The following NABP1 variants were observed in gnomAD, a reference collection of about 807,000 sequenced individuals.
NABP1 encodes the protein SOSS complex subunit B2.
Under a neutral mutation model 25.0 loss-of-function variants are expected in NABP1, and 18 were observed. The ratio of observed to expected loss-of-function variants is 0.72; its 90% CI spans 0.50 to 1.07. The LOEUF (loss-of-function observed/expected upper bound fraction) is 1.07. NABP1 is among the 50% of genes least tolerant of loss of function. The probability of loss-of-function intolerance (pLI) is 0.00; values close to 1 mark genes in which losing one functional copy is unlikely to be tolerated. For synonymous variants in NABP1, 71 were observed against 85.0 expected, an observed-to-expected ratio of 0.84 and a Z score of 0.91; for missense variants, 270 against 255.6, an observed-to-expected ratio of 1.06 and a Z score of -0.39.
chr2:191,679,271 T>C, intron 2 of NABP1, 143 bp downstream of exon 2: 1 of 988,626 alleles, frequency 1.0e-6, no homozygotes, highest in South Asian at 1.6e-5. Context: ...GTGTTAACTT[T>C]GGGTGGTGGG....
At chr2:191,682,047 G>A in intron 3 of NABP1, 30 bp downstream of exon 3, 1 of 1,263,478 alleles carries the variant, frequency 7.9e-7, no homozygotes, top group Non-Finnish European at 1.1e-6. Flanking sequence ...TTGTATAATT[G>A]CATATATTAT....
intron 2 of NABP1, among the ~76,000 whole-genome samples, chr2:191,680,703 T>C (rs2105641427): frequency 6.6e-6 from 1 of 152,326 alleles, no homozygotes; most frequent in South Asian, 2.1e-4. Flanking sequence ...TATAGAATTT[T>C]AAGGGGAACA....
Position 191,685,816 on chromosome 2 carries a change from G to T in NABP1, c.*48G>T. The T allele has an allele frequency of 6.5e-7, 1 of 1,546,488 alleles. No individual in the cohort carries two copies. The highest frequency in any genetic ancestry group is 1.1e-5 in the South Asian group (1 of 87,352). The stretch of plus-strand genomic sequence containing the variant: ...AGTTTTTATACTACATGCCCTACTT[G>T]AACACTTATTGCACTTTTATTTATT... On this transcript the variant is annotated 3_prime_UTR_variant, in exon 6 of 6. Coordinates refer to ENST00000425611, the MANE Select transcript of NABP1 (RefSeq NM_001031716.5).
chr2:191,678,379 T>C lies in NABP1; in HGVS notation c.-236T>C. Reference sequence around the variant, plus strand: ...GGGTTGGTGTGCGGAGTGGTTCGCCTTTTTTTCTTTAGAACTTGTGAGCCT... The same window carrying C: ...GGGTTGGTGTGCGGAGTGGTTCGCCCTTTTTTCTTTAGAACTTGTGAGCCT... On this transcript the variant is annotated 5_prime_UTR_variant, in exon 1 of 6. Transcript: ENST00000425611. 3.0e-6 allele frequency: 1 copy of C among 334,266 alleles called. No individual in the cohort carries two copies. Among genetic ancestry groups the C allele is most frequent in the East Asian group, 4.9e-5 (1 of 20,524 alleles). 20.7% of individuals were successfully genotyped at this position (334,266 alleles called of 1,614,324 possible). A position where few individuals can be genotyped will look rare whatever the true frequency, so the allele number is the denominator to read the frequency against.
chr2:191,683,946 T>C lies in NABP1; in HGVS notation c.378+142T>C, dbSNP rs1687749174. ...ATTTTTATTGTATGTTTTGTGAGGATATGTATCTGAGGTGTCATCTACTAG... is the reference window on the plus strand; with the variant it reads ...ATTTTTATTGTATGTTTTGTGAGGACATGTATCTGAGGTGTCATCTACTAG... On this transcript the variant is annotated intron_variant, in intron 4 of 5. Coordinates refer to ENST00000425611, the MANE Select transcript of NABP1 (RefSeq NM_001031716.5). This position sits in a 1 kb window ranked among gnomAD's most constrained non-coding sequence, Gnocchi z 4.1. 1.3e-6 allele frequency: 1 copy of C among 745,560 alleles called. No individual in the cohort carries two copies. Among genetic ancestry groups the C allele is most frequent in the South Asian group, 1.8e-5 (1 of 55,092 alleles). The allele number at this position is 745,560 out of a possible 1,614,324, so 46.2% of individuals were successfully genotyped here. A position where few individuals can be genotyped will look rare whatever the true frequency, so the allele number is the denominator to read the frequency against.
rs768363623 is a variant in NABP1 at position 191,685,947 on chromosome 2, C to T, written c.*179C>T. 1.8e-6 allele frequency: 1 copy of T among 544,114 alleles called. No homozygotes were observed. The highest frequency in any genetic ancestry group is 3.1e-6 in the Non-Finnish European group (1 of 318,660). The allele number at this position is 544,114 out of a possible 1,614,324, so 33.7% of individuals were successfully genotyped here. ...CAAAACTGTTAAGCTGCTCGAGTCT[C>T]CTGTTGAAGAATGGGAACACTGAAA... On this transcript the variant is annotated 3_prime_UTR_variant, in exon 6 of 6. Coordinates refer to ENST00000425611, the MANE Select transcript of NABP1 (RefSeq NM_001031716.5).
chr2:191,682,930 T>C (rs1687726444), intron 3 of NABP1: 1 of 219,474 alleles, frequency 4.6e-6, no homozygotes, highest in Non-Finnish European at 9.3e-6. Context: ...GTAGCATTAA[T>C]AGAGTTATGT....
In NABP1 at chr2:191,678,646, TAA is replaced by T. The variant is rs767813560; in HGVS notation, c.33_34del (p.Ile11MetfsTer4). ...AGGGTCAACGACCCACTTATTTTTA[TAA>T]GAGATATTAAGCCCGGACTGAAAAA... On this transcript the variant is annotated frameshift_variant, in exon 1 of 6. Coordinates refer to ENST00000425611, the MANE Select transcript of NABP1 (RefSeq NM_001031716.5). LOFTEE classifies it high-confidence loss of function. 80 of 1,613,570 alleles carry T rather than the reference TAA, an allele frequency of 5.0e-5. No individual in the cohort carries two copies. Among genetic ancestry groups the T allele is most frequent in the Non-Finnish European group, 6.8e-5 (80 of 1,179,838 alleles).
In NABP1 at chr2:191,683,545, C is replaced by G; in HGVS notation, c.303-184C>G. On this transcript the variant is annotated intron_variant, in intron 3 of 5. Transcript: ENST00000425611. This position sits in a 1 kb window ranked among gnomAD's most constrained non-coding sequence, Gnocchi z 4.1. ...GAATGTTATATATCTTGTAGACAGT[C>G]AAATATTTGATGTTTTATGGGACAT... The G allele has an allele frequency of 1.8e-6, 1 of 562,028 alleles. No homozygotes were observed. Among genetic ancestry groups the G allele is most frequent in the Non-Finnish European group, 3.1e-6 (1 of 321,616 alleles). 34.8% of individuals were successfully genotyped at this position (562,028 alleles called of 1,614,324 possible). A position where few individuals can be genotyped will look rare whatever the true frequency, so the allele number is the denominator to read the frequency against.
At chr2:191,684,572 T>C (rs1241756604) in intron 5 of NABP1, among the ~76,000 whole-genome samples, 2 of 152,214 alleles carry the variant, frequency 1.3e-5, no homozygotes, top group African/African-American at 4.8e-5. Flanking sequence ...TGATTACTTA[T>C]AGTAGATGCA....
chr2:191,682,162 C>A (rs1056365656), intron 3 of NABP1, 145 bp downstream of exon 3: 1 of 481,182 alleles, frequency 2.1e-6, no homozygotes, highest in Non-Finnish European at 3.7e-6. Flanking sequence ...AAAATAACTT[C>A]GTGTATACAA....
At chr2:191,684,436 G>A (rs1427744277) in intron 5 of NABP1, 140 bp downstream of exon 5, 4 of 515,892 alleles carry the variant, frequency 7.8e-6, no homozygotes, top group African/African-American at 4.0e-5. Flanking sequence ...TCCCCAAAGG[G>A]CTGATTTTCT....
chr2:191,684,201 G>T, intron 4 of NABP1, 29 bp from the exon 5 acceptor site: 1 of 1,357,610 alleles, frequency 7.4e-7, no homozygotes, highest in Non-Finnish European at 1.0e-6. Context: ...TTTTATTCTC[G>T]TTTGGTTAAA....
In NABP1 at chr2:191,678,283, G is replaced by GTT; in HGVS notation, c.-324_-323dup. 2 of 181,002 alleles carry GTT rather than the reference G, an allele frequency of 1.1e-5. No homozygotes were observed. The highest frequency in any genetic ancestry group is 1.4e-4 in the East Asian group (1 of 7,038). The allele number at this position is 181,002 out of a possible 1,614,324, so 11.2% of individuals were successfully genotyped here. A position where few individuals can be genotyped will look rare whatever the true frequency, so the allele number is the denominator to read the frequency against. On this transcript the variant is annotated 5_prime_UTR_variant, in exon 1 of 6. Coordinates refer to ENST00000425611, the MANE Select transcript of NABP1 (RefSeq NM_001031716.5). Reference sequence around the variant, plus strand: ...CAGGGCAGAAGTGTCCCCTCACTGCGTTTTTTTTTCCTTTTATCCAAAGAA... The same window carrying GTT: ...CAGGGCAGAAGTGTCCCCTCACTGCGTTTTTTTTTTTCCTTTTATCCAAAGAA...
Position 191,678,512 on chromosome 2 carries a change from C to T in NABP1, c.-103C>T. The T allele has an allele frequency of 1.3e-6, 1 of 752,210 alleles. No individual in the cohort carries two copies. The highest frequency in any genetic ancestry group is 1.8e-5 in the African/African-American group (1 of 56,066). 46.6% of individuals were successfully genotyped at this position (752,210 alleles called of 1,614,324 possible). On this transcript the variant is annotated 5_prime_UTR_variant, in exon 1 of 6. Transcript: ENST00000425611. ...TGCCCCTTCTCTCGCCACCCCTGCCCAAGGTCGCCCCTCTGCCTTCGCCCC... is the reference window on the plus strand; with the variant it reads ...TGCCCCTTCTCTCGCCACCCCTGCCTAAGGTCGCCCCTCTGCCTTCGCCCC...
chr2:191,681,917 TA>T, intron 2 of NABP1, 28 bp from the exon 3 acceptor site: 1 of 1,371,666 alleles, frequency 7.3e-7, no homozygotes, highest in African/African-American at 1.5e-5. Flanking sequence ...AATATATTTC[TA>T]AAGAATTAAT....
At position 191,685,824 on chromosome 2, in the gene NABP1, A is replaced by G; in HGVS notation, c.*56A>G. On this transcript the variant is annotated 3_prime_UTR_variant, in exon 6 of 6. Coordinates refer to ENST00000425611, the MANE Select transcript of NABP1 (RefSeq NM_001031716.5). ...TACTACATGCCCTACTTGAACACTT[A>G]TTGCACTTTTATTTATTGTTAACTG... 6.0e-6 allele frequency: 9 copies of G among 1,503,254 alleles called. No individual in the cohort carries two copies. The highest frequency in any genetic ancestry group is 8.2e-6 in the Non-Finnish European group (9 of 1,093,780). 93.1% of individuals were successfully genotyped at this position (1,503,254 alleles called of 1,614,324 possible). A position where few individuals can be genotyped will look rare whatever the true frequency, so the allele number is the denominator to read the frequency against.
intron 2 of NABP1, among the ~76,000 whole-genome samples, chr2:191,679,520 G>A (rs967352795): frequency 6.6e-6 from 1 of 152,192 alleles, no homozygotes; most frequent in Non-Finnish European, 1.5e-5. Context: ...GGGACTACAG[G>A]CGTGTGCCAC....
In NABP1 at chr2:191,686,921, A is replaced by T. The variant is rs1235202567; in HGVS notation, c.*1153A>T. On this transcript the variant is annotated 3_prime_UTR_variant, in exon 6 of 6. Coordinates refer to ENST00000425611, the MANE Select transcript of NABP1 (RefSeq NM_001031716.5). The stretch of plus-strand genomic sequence containing the variant: ...TTGAATATTATCTCTTGAATAAAGC[A>T]TGTGTTAATGTTAACAAACCTACGT... The T allele has an allele frequency of 2.6e-5, 4 of 152,642 alleles. No homozygotes were observed. The highest frequency in any genetic ancestry group is 2.0e-4 in the Admixed American group (3 of 15,288). 9.5% of individuals were successfully genotyped at this position (152,642 alleles called of 1,614,324 possible). A position where few individuals can be genotyped will look rare whatever the true frequency, so the allele number is the denominator to read the frequency against.
Sources: allele counts gnomAD v4.1 joint callset (sites outside exome capture counted in the v4.1 genomes callset), GRCh38; gene constraint gnomAD v4.1.1; non-coding constraint Gnocchi (gnomAD v3.1); transcripts MANE v1.5; gene names NCBI Gene and HGNC (gene_info 2026-07-23, HGNC 2026-07-21).